Variants in ANKRD26 observed in about 807,000 individuals in gnomAD.
The protein encoded by ANKRD26 is ankyrin repeat domain 26, also known as ankyrin repeat domain-containing protein 26.
Under a neutral mutation model 208.7 loss-of-function variants are expected in ANKRD26, and 141 were observed. The ratio of observed to expected loss-of-function variants is 0.68; its 90% confidence interval spans 0.59 to 0.78. The LOEUF is 0.78. Ranked by LOEUF, ANKRD26 falls within the 30% of genes least tolerant of loss-of-function variation. The pLI, the probability that ANKRD26 is intolerant of heterozygous loss-of-function variation, is 0.00. For missense variants in ANKRD26, 1,889 were observed against 1,938.7 expected, an observed-to-expected ratio of 0.97 and a Z score of 0.48; for synonymous variants, 636 against 660.4, an observed-to-expected ratio of 0.96 and a Z score of 0.57.
intron 16 of ANKRD26, chr10:27,050,942 C>T (rs2054633440): frequency 1.5e-6 from 1 of 661,618 alleles, no homozygotes; most frequent in Non-Finnish European, 2.1e-6. Context: ...TTTCTAAACA[C>T]AATTACATAT....
downstream of ANKRD26, among the ~76,000 whole-genome samples, chr10:26,991,068 T>C (rs2052477483): frequency 6.6e-6 from 1 of 152,164 alleles, no homozygotes; most frequent in Non-Finnish European, 1.5e-5. Flanking sequence ...TGTTTTTTTA[T>C]AGCAAAATAA....
chr10:26,985,712 A>G (rs2052375306), intron 3 of ANKRD26, among the ~76,000 whole-genome samples: 1 of 152,096 alleles, frequency 6.6e-6, no homozygotes, highest in African/African-American at 2.4e-5. Context: ...TCCATTTTTT[A>G]TGGGTCACCC....
Position 27,014,765 on chromosome 10 carries a change from T to C in ANKRD26, c.4507-54A>G, listed in dbSNP as rs2274742. 0.064 allele frequency: 92,063 copies of C among 1,448,094 alleles called. 3,396 individuals carry two copies. The highest frequency in any genetic ancestry group is 0.15 in the African/African-American group (10,832 of 70,958). The allele number at this position is 1,448,094 out of a possible 1,614,324, so 89.7% of individuals were successfully genotyped here. ...AAAATATATAACCTGAGTAAGACCATGGTCACCTACTCGGTGTCTAAGGGC... is the reference window on the plus strand; with the variant it reads ...AAAATATATAACCTGAGTAAGACCACGGTCACCTACTCGGTGTCTAAGGGC... On this transcript the variant is annotated intron_variant, in intron 30 of 33. Coordinates refer to ENST00000376087, the MANE Select transcript of ANKRD26 (RefSeq NM_014915.3).
At chr10:27,085,737 C>A (rs2056092916) in intron 5 of ANKRD26, among the ~76,000 whole-genome samples, 1 of 152,068 alleles carries the variant, frequency 6.6e-6, no homozygotes, top group Non-Finnish European at 1.5e-5. Context: ...TTGAACTGCA[C>A]AAATCCACCT....
chr10:27,017,166 A>G (rs2053323326), intron 30 of ANKRD26, among the ~76,000 whole-genome samples: 1 of 152,220 alleles, frequency 6.6e-6, no homozygotes, highest in Non-Finnish European at 1.5e-5. Flanking sequence ...AAATTAATTA[A>G]AAATTTTAAA....
At chr10:27,046,241 G>A (rs2054439107) in intron 18 of ANKRD26, 112 bp downstream of exon 18, 1 of 1,094,138 alleles carries the variant, frequency 9.1e-7, no homozygotes, top group Non-Finnish European at 1.3e-6. Context: ...TCTTTCAGCA[G>A]CATGGAAACA....
intron 5 of ANKRD26, among the ~76,000 whole-genome samples, chr10:26,992,507 C>CACACACAG (rs1554768436): frequency 1.6e-4 from 22 of 134,324 alleles, no homozygotes; most frequent in African/African-American, 4.9e-4. Flanking sequence ...CACACACACA[C>CACACACAG]AGAGAGAAAA....
chr10:27,100,091 A>C lies in ANKRD26; in HGVS notation c.236T>G (p.Met79Arg), dbSNP rs2056598269. Residue 79 changes from methionine (M) to arginine (R), a missense_variant, in exon 1 of 34, where the codon ATG (methionine) becomes AGG (arginine). Met to Arg is a moderately conservative substitution (Grantham distance 91, BLOSUM62 -1). Around this residue, in one of 3 missense-constraint regions of ANKRD26, gnomAD observed 1,272 missense variants for 1,273.8 expected, o/e 1.00. Transcript: ENST00000376087. Reference sequence around the variant, plus strand: ...GGCTTGCGACGCCTATTACCTGTTCATCTTGTCTCTATCGTTCAAGCCATT... The same window carrying C: ...GGCTTGCGACGCCTATTACCTGTTCCTCTTGTCTCTATCGTTCAAGCCATT... ...RKNGLNDRDK[M>R]NRTALHLACA... 1 of 1,613,922 alleles carries C rather than the reference A, an allele frequency of 6.2e-7. No homozygotes were observed. Among genetic ancestry groups the C allele is most frequent in the Non-Finnish European group, 8.5e-7 (1 of 1,179,942 alleles).
intron 4 of ANKRD26, among the ~76,000 whole-genome samples, chr10:26,996,892 C>T (rs1190024884): frequency 6.6e-6 from 1 of 152,066 alleles, no homozygotes; most frequent in Non-Finnish European, 1.5e-5. Context: ...GCTAATGTTT[C>T]CTTTTTCTGT....
At position 27,013,071 on chromosome 10, in the gene ANKRD26, A is replaced by G. The variant is rs772627390; in HGVS notation, c.4764T>C (p.Leu1588=). Residue 1588 remains leucine (L), a synonymous_variant, in exon 32 of 34, where the codon CTT becomes CTC. Coordinates refer to ENST00000376087, the MANE Select transcript of ANKRD26 (RefSeq NM_014915.3). ...ERLAEVNTKL[L]VEKQQSRSLF... is the part of the protein sequence containing the mutation. Reference sequence around the variant, plus strand: ...AAGATCTGCTCTGCTGTTTTTCCACAAGAAGTTTGGTGTTGACCTCTGCTA... The same window carrying G: ...AAGATCTGCTCTGCTGTTTTTCCACGAGAAGTTTGGTGTTGACCTCTGCTA... The G allele has an allele frequency of 6.2e-7, 1 of 1,613,994 alleles. No individual in the cohort carries two copies. Among genetic ancestry groups the G allele is most frequent in the South Asian group, 1.1e-5 (1 of 91,086 alleles).
rs1482588317 is a variant in ANKRD26, at chr10:27,063,986, A to G, written c.1363+2T>C. The G allele has an allele frequency of 1.3e-6, 2 of 1,598,838 alleles. No individual in the cohort carries two copies. Among genetic ancestry groups the G allele is most frequent in the Admixed American group, 1.7e-5 (1 of 59,956 alleles). On this transcript the variant is annotated splice_donor_variant, in intron 12 of 33. Coordinates refer to ENST00000376087, the MANE Select transcript of ANKRD26 (RefSeq NM_014915.3). LOFTEE classifies it high-confidence loss of function. ...TTTTTAAAAATGAAATATAGCTCTT[A>G]CCTTCTGCTTGTTCATTTCCTATAT...
intron 17 of ANKRD26, among the ~76,000 whole-genome samples, chr10:27,048,346 ATATAT>A (rs1276547426): frequency 6.6e-6 from 1 of 152,204 alleles, no homozygotes; most frequent in Non-Finnish European, 1.5e-5. Context: ...CATGTTATAC[ATATAT>A]TATACATAGG....
In ANKRD26 at chr10:27,086,600, T is replaced by C. The variant is rs377535525; in HGVS notation, c.648A>G (p.Gln216=). 209 of 1,604,192 alleles carry C rather than the reference T, an allele frequency of 1.3e-4. 1 individual carries two copies. Among genetic ancestry groups the C allele is most frequent in the Non-Finnish European group, 1.3e-4 (154 of 1,174,234 alleles). Residue 216 remains glutamine, a synonymous_variant, in exon 5 of 34, where the codon CAA becomes CAG. Transcript: ENST00000376087. ...TTTCTTCTTTATATTCTGAAATTAG[T>C]TGGTGACTGCTATGTATAGAAAAAT... The part of the protein sequence containing the change: ...NAVDKLESSH[Q]LISEYKEERI...
At chr10:27,075,301 T>C (rs2055656578) in intron 9 of ANKRD26, among the ~76,000 whole-genome samples, 1 of 152,152 alleles carries the variant, frequency 6.6e-6, no homozygotes, top group Non-Finnish European at 1.5e-5. Context: ...GTTGGCAGAA[T>C]GGATTTTTAA....
chr10:27,026,805 G>GTT (rs1251297382), intron 27 of ANKRD26, among the ~76,000 whole-genome samples: 1 of 146,350 alleles, frequency 6.8e-6, no homozygotes, highest in Non-Finnish European at 1.5e-5. Context: ...GTTTTTTTTA[G>GTT]TTTTTTTTTT....
chr10:27,082,782 T>TA (rs2055973633), intron 6 of ANKRD26, 21 bp downstream of exon 6: 1 of 1,568,280 alleles, frequency 6.4e-7, no homozygotes, highest in Non-Finnish European at 8.7e-7. Context: ...AATATATTTT[T>TA]AAAAATCTGT....
intron 9 of ANKRD26, among the ~76,000 whole-genome samples, chr10:27,071,657 C>T (rs903754068): frequency 2.6e-5 from 4 of 152,026 alleles, no homozygotes; most frequent in Admixed American, 6.6e-5. Context: ...AACAGAAAAA[C>T]TTAAAGAAAC....
At position 27,017,552 on chromosome 10, in the gene ANKRD26, C is replaced by T; in HGVS notation, c.4456G>A (p.Ala1486Thr). Residue 1486 changes from alanine to threonine, a missense_variant, in exon 30 of 34, where the codon GCA (alanine) becomes ACA (threonine). Around this residue, in one of 3 missense-constraint regions of ANKRD26, gnomAD observed 613 missense variants for 648.2 expected, o/e 0.95. Transcript: ENST00000376087. ...AATTTTTCTGCTATTTCCTGTCTTG[C>T]TCTTTCTTCAATCTCCTGTTTATAC... The part of the protein sequence containing the change: ...KQYKQEIEER[A>T]RQEIAEKLKE... 2 of 1,613,678 alleles carry T rather than the reference C, an allele frequency of 1.2e-6. No homozygotes were observed. Among genetic ancestry groups the T allele is most frequent in the Non-Finnish European group, 1.7e-6 (2 of 1,179,832 alleles).
chr10:26,995,625 T>C (rs1370582097), intron 4 of ANKRD26, among the ~76,000 whole-genome samples: 1 of 152,180 alleles, frequency 6.6e-6, no homozygotes, highest in Non-Finnish European at 1.5e-5. Context: ...AACGTTGATT[T>C]TTAGTGATGG....
Sources: gnomAD v4.1 joint callset for allele counts (sites outside exome capture counted in the v4.1 genomes callset) on GRCh38, gnomAD v4.1.1 for gene constraint, gnomAD v4.1.1 regional missense constraint, MANE v1.5 for transcripts, NCBI Gene and HGNC (gene_info 2026-07-23, HGNC 2026-07-21) for gene names.